Variants in FCHO1 observed in about 807,000 individuals in gnomAD.
The protein encoded by FCHO1 is FCH and mu domain containing endocytic adaptor 1.
Under a neutral mutation model 114.4 loss-of-function variants are expected in FCHO1, and 45 were observed. The observed-to-expected ratio is 0.39, with a 90% CI of 0.31 to 0.50. The LOEUF (loss-of-function observed/expected upper bound fraction) is 0.50. Among genes scored for constraint, FCHO1 ranks in the 20% least tolerant of loss-of-function variants. The pLI, the probability that FCHO1 is intolerant of heterozygous loss-of-function variation, is 0.77. For synonymous variants in FCHO1, 480 were observed against 488.9 expected (o/e 0.98, Z 0.24); for missense variants, 1,042 against 1,209.6 (o/e 0.86, Z 2.06).
rs961407514 is a variant in FCHO1 at position 17,788,515 on chromosome 19, C to A, written c.*209C>A. The A allele has an allele frequency of 3.7e-6, 2 of 541,372 alleles. No individual in the cohort carries two copies. The highest frequency in any genetic ancestry group is 3.9e-5 in the African/African-American group (2 of 50,954). The allele number at this position is 541,372 out of a possible 1,614,324, so 33.5% of individuals were successfully genotyped here. A position where few individuals can be genotyped will look rare whatever the true frequency, so the allele number is the denominator to read the frequency against. ...ACACAGGTCCCGGCCTTTTAATGTT[C>A]TTTGAATAAACACTTTATTTTCTAA... is the stretch of plus-strand genomic sequence containing the variant. On this transcript the variant is annotated 3_prime_UTR_variant, in exon 29 of 29. Coordinates refer to ENST00000596536, the MANE Select transcript of FCHO1 (RefSeq NM_015122.3).
intron 13 of FCHO1, 84 bp from the exon 14 acceptor site, chr19:17,774,972 C>A: frequency 6.7e-7 from 1 of 1,497,028 alleles, no homozygotes; most frequent in Non-Finnish European, 9.3e-7. Context: ...GCTGCCCCAG[C>A]TTCCATGTCC....
chr19:17,766,754 G>T lies in FCHO1; in HGVS notation c.280G>T (p.Asp94Tyr). Reference protein sequence around the residue: ...CHLELTRKLQDLIKDVLRYGE... With the variant: ...CHLELTRKLQYLIKDVLRYGE... ...CCTGGAACTGACACGGAAGTTACAG[G>T]ATCTCATCAAGGACGTTCTCCGCTA... The change falls in exon 7 of 29, where the codon GAT becomes TAT. Residue 94 changes from aspartate (D) to tyrosine (Y), a missense_variant. This residue lies in a region of FCHO1 where 450 missense variants were observed against 564.1 expected (regional missense o/e 0.80). Coordinates refer to ENST00000596536, the MANE Select transcript of FCHO1 (RefSeq NM_015122.3). 1 of 1,614,136 alleles carries T rather than the reference G, an allele frequency of 6.2e-7. No individual in the cohort carries two copies.
At chr19:17,778,093 C>T in intron 18 of FCHO1, 44 bp from the exon 19 acceptor site, 1 of 1,478,092 alleles carries the variant, frequency 6.8e-7, no homozygotes, top group East Asian at 2.3e-5. Flanking sequence ...TGGGATGAGG[C>T]TTGGGAAAAA....
At chr19:17,768,104 G>A (rs1023013736) in intron 7 of FCHO1, among the ~76,000 whole-genome samples, 1 of 152,158 alleles carries the variant, frequency 6.6e-6, no homozygotes, top group African/African-American at 2.4e-5. Context: ...GACTTGCTCT[G>A]TTGCCCAGGC....
chr19:17,779,009 C>T, intron 20 of FCHO1, 125 bp downstream of exon 20: 2 of 1,051,442 alleles, frequency 1.9e-6, no homozygotes, highest in South Asian at 3.5e-5. Context: ...CAGAACCTCC[C>T]ACCGTTGCAG....
In FCHO1 at chr19:17,776,799, GTTTT is replaced by G; in HGVS notation, c.1259+117_1259+120del. ...GGCTGGGAGTTGACGTCATGCTGGGGTTTTTTTGTTTTTGTTTTTGTTTTGAGAC... is the reference window on the plus strand; with the variant it reads ...GGCTGGGAGTTGACGTCATGCTGGGGTTTGTTTTTGTTTTTGTTTTGAGAC... On this transcript the variant is annotated intron_variant, in intron 18 of 28. Transcript: ENST00000596536. The surrounding 1 kb of genome is among the most constrained non-coding windows in gnomAD (Gnocchi z 4.4). The G allele has an allele frequency of 9.8e-7, 1 of 1,022,636 alleles. No individual in the cohort carries two copies. Among genetic ancestry groups the G allele is most frequent in the Admixed American group, 2.6e-5 (1 of 38,436 alleles). 63.3% of individuals were successfully genotyped at this position (1,022,636 alleles called of 1,614,324 possible). A position where few individuals can be genotyped will look rare whatever the true frequency, so the allele number is the denominator to read the frequency against.
intron 4 of FCHO1, among the ~76,000 whole-genome samples, chr19:17,755,869 G>A (rs544926336): frequency 9.2e-5 from 14 of 152,162 alleles, no homozygotes; most frequent in African/African-American, 2.9e-4. Flanking sequence ...GGGTCCTAGA[G>A]TAGGAACCAG....
chr19:17,770,656 C>T (rs1196026154), intron 8 of FCHO1, 79 bp downstream of exon 8: 21 of 1,578,444 alleles, frequency 1.3e-5, no homozygotes, highest in Non-Finnish European at 1.8e-5. Context: ...GAAACACATC[C>T]CAGAGCGACG....
At chr19:17,779,315 G>A (rs751099948) in intron 20 of FCHO1, among the ~76,000 whole-genome samples, 1 of 152,018 alleles carries the variant, frequency 6.6e-6, no homozygotes, top group Non-Finnish European at 1.5e-5. Flanking sequence ...GCCCAGGGAG[G>A]GCTTGTGAAT....
chr19:17,787,253 A>T (rs981738215), intron 27 of FCHO1, among the ~76,000 whole-genome samples: 1 of 128,162 alleles, frequency 7.8e-6, no homozygotes, highest in Non-Finnish European at 1.6e-5. Flanking sequence ...AAAAAAAAAA[A>T]GCTGGAGGAG....
chr19:17,778,038 CAA>C (rs34991275), intron 18 of FCHO1, 97 bp from the exon 19 acceptor site: 232 of 676,930 alleles, frequency 3.4e-4, no homozygotes, highest in Admixed American at 4.3e-4. Flanking sequence ...GACTCCGTCT[CAA>C]AAAAAAAAAA....
At chr19:17,748,501 T>A (rs1306496264), upstream of FCHO1, among the ~76,000 whole-genome samples, 1 of 120,572 alleles carries the variant, frequency 8.3e-6, no homozygotes, top group East Asian at 2.1e-4. Flanking sequence ...GCCTGGAGCC[T>A]GGACTTGGGG....
intron 26 of FCHO1, 90 bp downstream of exon 26, chr19:17,785,014 C>A: frequency 1.5e-6 from 2 of 1,328,458 alleles, no homozygotes; most frequent in Non-Finnish European, 1.1e-6. Flanking sequence ...AGGGTGCACC[C>A]TCGGCCTGAC....
At chr19:17,764,006 G>A (rs936805859) in intron 5 of FCHO1, among the ~76,000 whole-genome samples, 2 of 151,746 alleles carry the variant, frequency 1.3e-5, no homozygotes, top group African/African-American at 4.8e-5. Context: ...GCCCAGAGGA[G>A]CAGTGCCTCT....
chr19:17,770,968 C>G, intron 9 of FCHO1, 72 bp downstream of exon 9: 1 of 1,363,852 alleles, frequency 7.3e-7, no homozygotes, highest in Non-Finnish European at 1.0e-6. Flanking sequence ...CTGCAGAAAT[C>G]CCAGGCAGGG....
In FCHO1 at chr19:17,784,627, G is replaced by A. The variant is rs1407599189; in HGVS notation, c.2227-98G>A. The A allele has an allele frequency of 3.5e-6, 4 of 1,151,720 alleles. No homozygotes were observed. The African/African-American group carries it at 6.0e-5, about 17-fold the overall frequency. The allele number at this position is 1,151,720 out of a possible 1,614,324, so 71.3% of individuals were successfully genotyped here. Reference sequence around the variant, plus strand: ...CCTGTGACTGGACCCCCTTGGGGCGGTGCGTGCATCGCAGGGTCAAGGTGG... The same window carrying A: ...CCTGTGACTGGACCCCCTTGGGGCGATGCGTGCATCGCAGGGTCAAGGTGG... On this transcript the variant is annotated intron_variant, in intron 25 of 28. Transcript: ENST00000596536. The surrounding 1 kb of genome is among the most constrained non-coding windows in gnomAD (Gnocchi z 5.3).
chr19:17,780,205 C>T (rs1423567726), intron 20 of FCHO1, among the ~76,000 whole-genome samples: 6 of 128,864 alleles, frequency 4.7e-5, no homozygotes, highest in Non-Finnish European at 9.5e-5. Context: ...GCTCTTGTTG[C>T]CCGGGCTGGA....
At chr19:17,748,210 C>T (rs2081029624), upstream of FCHO1, among the ~76,000 whole-genome samples, 1 of 152,208 alleles carries the variant, frequency 6.6e-6, no homozygotes, top group Non-Finnish European at 1.5e-5. Context: ...CCCGCAGATT[C>T]CCTCTTCCCA....
Position 17,770,591 on chromosome 19 carries a change from G to C in FCHO1, c.489+14G>C, listed in dbSNP as rs368907319. 3.1e-6 allele frequency: 5 copies of C among 1,605,216 alleles called. No individual in the cohort carries two copies. Among genetic ancestry groups the C allele is most frequent in the East Asian group, 2.2e-5 (1 of 44,700 alleles). ...GAGATGGACAAGGTGGGCTCACAGT[G>C]GGGGGGTTCTGAGGAATTTGCCGCG... On this transcript the variant is annotated intron_variant, in intron 8 of 28. Transcript: ENST00000596536.
Sources: allele counts gnomAD v4.1 joint callset (sites outside exome capture counted in the v4.1 genomes callset), GRCh38; gene constraint gnomAD v4.1.1; regional missense constraint gnomAD v4.1.1; non-coding constraint Gnocchi (gnomAD v3.1); transcripts MANE v1.5; gene names NCBI Gene and HGNC (gene_info 2026-07-23, HGNC 2026-07-21).